The following WNK1 variants were observed in gnomAD, a reference collection of about 807,000 sequenced individuals.
The protein encoded by WNK1 is WNK lysine deficient protein kinase 1.
In WNK1, 38 loss-of-function variants were observed where a neutral mutation model predicts 222.8. The observed-to-expected ratio is 0.17, with a 90% CI of 0.13 to 0.22. The LOEUF is 0.22. Among genes scored for constraint, WNK1 ranks in the 10% least tolerant of loss-of-function variants. The probability of loss-of-function intolerance (pLI) is 1.00; values close to 1 mark genes in which losing one functional copy is unlikely to be tolerated. For synonymous variants in WNK1, 1,090 were observed against 1,092.9 expected (o/e 1.00, Z 0.05); for missense variants, 2,348 against 2,918.4 (o/e 0.80, Z 4.50).
intron 1 of WNK1, among the ~76,000 whole-genome samples, chr12:777,518 A>G (rs528588644): frequency 1.3e-5 from 2 of 152,214 alleles, no homozygotes; most frequent in South Asian, 2.1e-4. Context: ...TGATTTTGTC[A>G]TAGAGTTAGG....
At position 754,117 on chromosome 12, in the gene WNK1, C is replaced by A. The variant is rs761034271; in HGVS notation, c.552C>A (p.Gly184=). 1 of 1,610,210 alleles carries A rather than the reference C, an allele frequency of 6.2e-7. No homozygotes were observed. Among genetic ancestry groups the A allele is most frequent in the South Asian group, 1.1e-5 (1 of 91,058 alleles). The part of the protein sequence containing the change: ...SKEEPPPARS[G]SGGGSAKEPQ... ...AGGAGCCGCCGCCGGCGAGAAGTGG[C>A]AGCGGCGGCGGCAGCGCCAAGGAGC... Residue 184 remains glycine, a synonymous_variant, in exon 1 of 28, where the codon GGC becomes GGA. Coordinates refer to ENST00000315939, the MANE Select transcript of WNK1 (RefSeq NM_018979.4).
chr12:889,137 C>G lies in WNK1; in HGVS notation c.5365-3C>G, dbSNP rs1294455623. 6.2e-7 allele frequency: 1 copy of G among 1,613,840 alleles called. No homozygotes were observed. Among genetic ancestry groups the G allele is most frequent in the South Asian group, 1.1e-5 (1 of 91,078 alleles). On this transcript the variant is annotated splice_polypyrimidine_tract_variant and splice_region_variant and intron_variant, in intron 20 of 27. Transcript: ENST00000315939. ...TGTATTTACTGTGATTGTTTTCATT[C>G]AGTCCCAGCAACCTCTAGAGGATCT...
At chr12:878,134 C>G in intron 9 of WNK1, 78 bp from the exon 10 acceptor site, 2 of 1,570,356 alleles carry the variant, frequency 1.3e-6, no homozygotes, top group Non-Finnish European at 1.8e-6. Flanking sequence ...ACACTGAAGG[C>G]TTTAGGTAAA....
intron 9 of WNK1, among the ~76,000 whole-genome samples, chr12:872,672 G>A (rs1952256342): frequency 1.3e-5 from 2 of 152,178 alleles, no homozygotes; most frequent in African/African-American, 4.8e-5. Context: ...TGTATGTAAT[G>A]CAAACTTCCT....
Position 823,697 on chromosome 12 carries a change from C to A in WNK1, c.933-3345C>A, listed in dbSNP as rs541183560. Among the ~76,000 whole-genome samples, 4 of 152,216 alleles carry A rather than the reference C, an allele frequency of 2.6e-5. No individual in the cohort carries two copies. The East Asian group carries it at 7.7e-4, about 29-fold the overall frequency. On this transcript the variant is annotated intron_variant, in intron 2 of 27. Coordinates refer to ENST00000315939, the MANE Select transcript of WNK1 (RefSeq NM_018979.4). ...GCCATTGTTCTCAGCATTTAGTCTGCAAAGTTTTGGCATAGGTACTATAAT... is the reference window on the plus strand; with the variant it reads ...GCCATTGTTCTCAGCATTTAGTCTGAAAAGTTTTGGCATAGGTACTATAAT...
At chr12:764,277 A>T (rs1212864997) in intron 1 of WNK1, among the ~76,000 whole-genome samples, 2 of 147,630 alleles carry the variant, frequency 1.4e-5, no homozygotes, top group Non-Finnish European at 3.0e-5. Context: ...AATTGTGGAG[A>T]ATGAATTTAA....
intron 9 of WNK1, among the ~76,000 whole-genome samples, chr12:871,704 G>C (rs964803222): frequency 3.9e-5 from 6 of 152,046 alleles, no homozygotes; most frequent in Non-Finnish European, 5.9e-5. Flanking sequence ...CCAGGTTCAA[G>C]CAGTCCTCCT....
Position 871,308 on chromosome 12 carries a change from C to G in WNK1, c.2183C>G (p.Thr728Arg). 6.2e-7 allele frequency: 1 copy of G among 1,614,168 alleles called. No individual in the cohort carries two copies. The change falls in exon 9 of 28, where the codon ACA becomes AGA. Residue 728 changes from threonine to arginine, a missense_variant. Physicochemically the swap from Thr to Arg is moderately conservative, Grantham distance 71. Coordinates refer to ENST00000315939, the MANE Select transcript of WNK1 (RefSeq NM_018979.4). ...SQGQPSSSSL[T>R]GVSSSQPIQH... ...GGTCAGCCATCCTCAAGTAGCTTAA[C>G]AGGGGTTTCATCTTCCCAACCCATA...
intron 1 of WNK1, among the ~76,000 whole-genome samples, chr12:782,471 A>G (rs901311528): frequency 1.3e-5 from 2 of 152,184 alleles, no homozygotes; most frequent in African/African-American, 4.8e-5. Flanking sequence ...AACATTGGAT[A>G]TATTACTCTG....
At position 908,972 on chromosome 12, in the gene WNK1, CCA is replaced by C. The variant is rs1329821317; in HGVS notation, c.*181_*182del. ...CTCAGAATGGAGAGTCTCCCCCGCTCCAGTTATTGGAATGGGAGAGGAAGGAA... is the reference window on the plus strand; with the variant it reads ...CTCAGAATGGAGAGTCTCCCCCGCTCGTTATTGGAATGGGAGAGGAAGGAA... On this transcript the variant is annotated 3_prime_UTR_variant, in exon 28 of 28. Transcript: ENST00000315939. 2.3e-5 allele frequency: 16 copies of C among 710,302 alleles called. No homozygotes were observed. Among genetic ancestry groups the C allele is most frequent in the Middle Eastern group, 3.9e-4 (1 of 2,550 alleles). The allele number at this position is 710,302 out of a possible 1,614,324, so 44.0% of individuals were successfully genotyped here.
chr12:842,578 G>A (rs1401138752), intron 4 of WNK1, among the ~76,000 whole-genome samples: 3 of 152,092 alleles, frequency 2.0e-5, no homozygotes, highest in African/African-American at 7.2e-5. Context: ...TCATAGGGCA[G>A]ACCAAATTGT....
At position 877,707 on chromosome 12, in the gene WNK1, ATCCAGTGCTTTCCTCCC is replaced by A. The variant is rs1952756927; in HGVS notation, c.2224-503_2224-487del. ...AATTTGAAAATGTCTGTTATTCCAA[ATCCAGTGCTTTCCTCCC>A]TATTTTGTAGCTATAATCAAAGCTA... On this transcript the variant is annotated intron_variant, in intron 9 of 27. Coordinates refer to ENST00000315939, the MANE Select transcript of WNK1 (RefSeq NM_018979.4). Among the ~76,000 whole-genome samples the A allele has an allele frequency of 2.0e-5, 3 of 152,354 alleles. 1 individual carries two copies. The highest frequency in any genetic ancestry group is 7.2e-5 in the African/African-American group (3 of 41,588).
At chr12:904,898 T>G (rs1369998664) in intron 26 of WNK1, among the ~76,000 whole-genome samples, 2 of 152,202 alleles carry the variant, frequency 1.3e-5, no homozygotes, top group African/African-American at 2.4e-5. Flanking sequence ...TGTGCTAGAT[T>G]GACGAGGAGA....
intron 1 of WNK1, among the ~76,000 whole-genome samples, chr12:779,490 T>G (rs10735063): frequency 6.7e-6 from 1 of 150,324 alleles, no homozygotes. Flanking sequence ...CTGCAACCTC[T>G]GCCTCCTGAG....
chr12:904,836 G>A (rs926755299), intron 26 of WNK1, among the ~76,000 whole-genome samples: 17 of 152,158 alleles, frequency 1.1e-4, no homozygotes, highest in African/African-American at 1.7e-4. Context: ...CAGCAGTGAC[G>A]AAAGCATACA....
At chr12:865,590 T>C (rs936048642) in intron 8 of WNK1, among the ~76,000 whole-genome samples, 1 of 152,214 alleles carries the variant, frequency 6.6e-6, no homozygotes, top group African/African-American at 2.4e-5. Flanking sequence ...CCTTGGCACA[T>C]ACCAGCATGT....
chr12:821,042 GTTTTTTTTTTTTT>G (rs60880879), intron 2 of WNK1, among the ~76,000 whole-genome samples: 22 of 79,094 alleles, frequency 2.8e-4, no homozygotes, highest in Middle Eastern at 8.3e-3. Context: ...AGTTTCTTGA[GTTTTTTTTTTTTT>G]TTTTTTTTTT....
intron 26 of WNK1, chr12:901,162 A>G (rs1448780918): frequency 4.2e-6 from 1 of 237,512 alleles, no homozygotes; most frequent in Non-Finnish European, 8.3e-6. Flanking sequence ...AAATTCCCAC[A>G]GAGGAAAGAG....
intron 26 of WNK1, chr12:906,736 C>T: frequency 1.0e-6 from 1 of 985,108 alleles, no homozygotes; most frequent in South Asian, 4.7e-5. Context: ...CTTATTACCT[C>T]TCTCTATTTA....
Sources: allele counts gnomAD v4.1 joint callset (sites outside exome capture counted in the v4.1 genomes callset), GRCh38; gene constraint gnomAD v4.1.1; transcripts MANE v1.5; gene names NCBI Gene and HGNC (gene_info 2026-07-23, HGNC 2026-07-21).